NEGR1: variants seen among roughly 807,000 people sequenced by gnomAD.
NEGR1 encodes IgLON family member 4.
Under a neutral mutation model 40.9 loss-of-function variants are expected in NEGR1, and 10 were observed. The ratio of observed to expected loss-of-function variants is 0.24; its 90% CI spans 0.15 to 0.42. The LOEUF is 0.42. Among genes scored for constraint, NEGR1 ranks in the 10% least tolerant of loss-of-function variants. NEGR1 has a pLI of 1.00. For missense variants in NEGR1, 352 were observed against 438.9 expected, an observed-to-expected ratio of 0.80 and a Z score of 1.77; for synonymous variants, 185 against 166.8, an observed-to-expected ratio of 1.11 and a Z score of -0.84.
intron 2 of NEGR1, among the ~76,000 whole-genome samples, chr1:71,925,596 T>G (rs1387666311): frequency 6.6e-6 from 1 of 152,192 alleles, no homozygotes; most frequent in African/African-American, 2.4e-5. Context: ...AGATTCCAAT[T>G]TTCTCCTGCA....
At chr1:72,029,336 T>C (rs1646838186) in intron 1 of NEGR1, among the ~76,000 whole-genome samples, 1 of 151,690 alleles carries the variant, frequency 6.6e-6, no homozygotes, top group South Asian at 2.1e-4. Context: ...AAAATGGAAA[T>C]AGAAGAAAGA....
At chr1:71,861,058 A>G (rs1659931158) in intron 2 of NEGR1, among the ~76,000 whole-genome samples, 1 of 152,062 alleles carries the variant, frequency 6.6e-6, no homozygotes. Flanking sequence ...CACCATAGGG[A>G]AAAAGTTATT....
At chr1:71,999,656 T>TATATAC (rs1557476737) in intron 1 of NEGR1, among the ~76,000 whole-genome samples, 1 of 51,214 alleles carries the variant, frequency 2.0e-5, no homozygotes. Flanking sequence ...TATATATATA[T>TATATAC]ATATATATAT....
chr1:71,999,758 C>T (rs190047504), intron 1 of NEGR1, among the ~76,000 whole-genome samples: 47 of 144,376 alleles, frequency 3.3e-4, no homozygotes, highest in African/African-American at 1.2e-3. Context: ...ATACATTTTA[C>T]TTTGTTTACA....
chr1:71,410,170 A>G (rs973550784), intron 6 of NEGR1, among the ~76,000 whole-genome samples: 2 of 152,138 alleles, frequency 1.3e-5, no homozygotes, highest in Admixed American at 1.3e-4. Flanking sequence ...GCTTGTGAAT[A>G]TAATATTTAT....
At chr1:71,597,287 T>A (rs1467626132) in intron 5 of NEGR1, among the ~76,000 whole-genome samples, 8 of 151,748 alleles carry the variant, frequency 5.3e-5, no homozygotes, top group African/African-American at 1.9e-4. Context: ...TAGAGGAAAA[T>A]TATGACATAG....
intron 2 of NEGR1, among the ~76,000 whole-genome samples, chr1:71,798,875 T>C (rs553110198): frequency 4.0e-4 from 61 of 152,278 alleles, no homozygotes; most frequent in African/African-American, 1.4e-3. Flanking sequence ...AGTGCACCTA[T>C]GAATGCATTC....
rs113015256 is a variant in NEGR1, at chr1:72,093,249, T to G, written c.177-157938A>C. On this transcript the variant is annotated intron_variant, in intron 1 of 6. Transcript: ENST00000357731. The stretch of plus-strand genomic sequence containing the variant: ...GGTAGGCTGAGGCAGGAGAATTGCT[T>G]GAACCCAGGAGGCAGAGGTAGCAGT... Among the ~76,000 whole-genome samples, 1,442 of 148,022 alleles carry G rather than the reference T, an allele frequency of 9.7e-3. 31 individuals are homozygous for G. The highest frequency in any genetic ancestry group is 0.035 in the African/African-American group (1,379 of 39,112).
At position 71,546,771 on chromosome 1, in the gene NEGR1, T is replaced by C. The variant is rs573312888; in HGVS notation, c.940+46046A>G. Reference sequence around the variant, plus strand: ...TACTTAATACTTAAGCAGTGATTCTTATAAAGTATTGGGTAAGGGGTGGCC... The same window carrying C: ...TACTTAATACTTAAGCAGTGATTCTCATAAAGTATTGGGTAAGGGGTGGCC... On this transcript the variant is annotated intron_variant, in intron 6 of 6. Coordinates refer to ENST00000357731, the MANE Select transcript of NEGR1 (RefSeq NM_173808.3). 7.9e-5 allele frequency among the ~76,000 whole-genome samples: 12 copies of C among 151,752 alleles called. No individual in the cohort carries two copies. The South Asian group carries it at 2.1e-3, about 26-fold the overall frequency.
chr1:71,836,334 C>G (rs1036074834), intron 2 of NEGR1, among the ~76,000 whole-genome samples: 4 of 150,998 alleles, frequency 2.6e-5, no homozygotes, highest in Non-Finnish European at 5.9e-5. Context: ...TGCCTGTAGA[C>G]AGAATTGCTG....
chr1:71,482,225 C>A (rs936446972), intron 6 of NEGR1, among the ~76,000 whole-genome samples: 3 of 151,746 alleles, frequency 2.0e-5, no homozygotes, highest in Admixed American at 6.6e-5. Context: ...TTTGTTGTTG[C>A]CAAAGCAGAA....
At chr1:71,579,044 T>C (rs1420663582) in intron 6 of NEGR1, among the ~76,000 whole-genome samples, 3 of 152,230 alleles carry the variant, frequency 2.0e-5, no homozygotes, top group Non-Finnish European at 4.4e-5. Context: ...TACAGTATTC[T>C]GGTAATCACT....
intron 2 of NEGR1, among the ~76,000 whole-genome samples, chr1:71,897,572 A>C (rs1661007410): frequency 6.6e-6 from 1 of 152,222 alleles, no homozygotes; most frequent in African/African-American, 2.4e-5. Flanking sequence ...ATTTATACAA[A>C]AGAAAGAGAA....
chr1:71,645,928 G>T (rs1651515373), intron 4 of NEGR1, among the ~76,000 whole-genome samples: 1 of 151,554 alleles, frequency 6.6e-6, no homozygotes, highest in Non-Finnish European at 1.5e-5. Flanking sequence ...AGGTATTTTT[G>T]GATTACAACA....
At chr1:71,727,862 G>C (rs1654723037) in intron 3 of NEGR1, among the ~76,000 whole-genome samples, 1 of 152,162 alleles carries the variant, frequency 6.6e-6, no homozygotes, top group Admixed American at 6.6e-5. Context: ...TTAAAGAACA[G>C]TGAGAAATGC....
At chr1:72,100,240 C>G (rs1001673686) in intron 1 of NEGR1, among the ~76,000 whole-genome samples, 5 of 152,112 alleles carry the variant, frequency 3.3e-5, no homozygotes, top group Non-Finnish European at 7.4e-5. Flanking sequence ...AAAACGTCCC[C>G]ATGGAAAGTT....
chr1:71,575,760 G>T (rs1648945131), intron 6 of NEGR1, among the ~76,000 whole-genome samples: 1 of 152,118 alleles, frequency 6.6e-6, no homozygotes, highest in Non-Finnish European at 1.5e-5. Flanking sequence ...TCCAGCCTGG[G>T]CGACAGTGCG....
chr1:71,951,196 G>GT (rs756684493), intron 1 of NEGR1, among the ~76,000 whole-genome samples: 3 of 151,860 alleles, frequency 2.0e-5, no homozygotes, highest in Non-Finnish European at 4.4e-5. Context: ...TTTTGGCAAA[G>GT]TATACTTTTG....
rs546922428 is a variant in NEGR1, at chr1:71,817,693, C to T, written c.410-41396G>A. The stretch of plus-strand genomic sequence containing the variant: ...AAGTGGCATCCAAAGGAAATTTTCA[C>T]CTGTGGAAACCTGGTAGAGTGTGAG... On this transcript the variant is annotated intron_variant, in intron 2 of 6. Transcript: ENST00000357731. 2.0e-5 allele frequency among the ~76,000 whole-genome samples: 3 copies of T among 152,102 alleles called. No individual in the cohort carries two copies. In the South Asian group the frequency reaches 6.2e-4, roughly 32 times the overall value.
Sources: allele counts gnomAD v4.1 joint callset (sites outside exome capture counted in the v4.1 genomes callset), GRCh38; gene constraint gnomAD v4.1.1; transcripts MANE v1.5; gene names NCBI Gene and HGNC (gene_info 2026-07-23, HGNC 2026-07-21).